CTTNBP2: variants seen among roughly 807,000 people sequenced by gnomAD.
The protein encoded by CTTNBP2 is cortactin-binding protein 2.
In CTTNBP2, 108 loss-of-function variants were observed where a neutral mutation model predicts 156.9. The observed-to-expected ratio is 0.69, with a 90% CI of 0.59 to 0.81. The LOEUF is 0.81. Among genes scored for constraint, CTTNBP2 ranks in the 30% least tolerant of loss-of-function variants. The pLI, the probability that CTTNBP2 is intolerant of heterozygous loss-of-function variation, is 0.00. For missense variants in CTTNBP2, 1,924 were observed against 2,035.4 expected (o/e 0.95, Z 1.05); for synonymous variants, 767 against 751.8 (o/e 1.02, Z -0.33).
At chr7:117,802,175 G>C (rs1293550642) in intron 3 of CTTNBP2, among the ~76,000 whole-genome samples, 3 of 149,824 alleles carry the variant, frequency 2.0e-5, no homozygotes, top group African/African-American at 7.3e-5. Flanking sequence ...TTTTGTTCTT[G>C]CGATAGTTTA....
At chr7:117,731,978 A>C (rs1584912941) in intron 16 of CTTNBP2, among the ~76,000 whole-genome samples, 1 of 152,236 alleles carries the variant, frequency 6.6e-6, no homozygotes, top group Non-Finnish European at 1.5e-5. Flanking sequence ...CTTACAGAAC[A>C]TAAGTGTTCA....
At position 117,791,947 on chromosome 7, in the gene CTTNBP2, G is replaced by A. The variant is rs763110159; in HGVS notation, c.1249C>T (p.Pro417Ser). ...PPTAQTPGIA[P>S]QNSQAPPMHS... is the part of the protein sequence containing the mutation. ...ATAGGTGGAGCTTGCGAGTTCTGAG[G>A]AGCTATGCCTGGTGTTTGAGCGGTG... is the stretch of plus-strand genomic sequence containing the variant. The change falls in exon 4 of 23, where the codon CCT becomes TCT. Residue 417 changes from proline (P) to serine (S), a missense_variant. Coordinates refer to ENST00000160373, the MANE Select transcript of CTTNBP2 (RefSeq NM_033427.3). 1 of 1,614,144 alleles carries A rather than the reference G, an allele frequency of 6.2e-7. No individual in the cohort carries two copies. The highest frequency in any genetic ancestry group is 8.5e-7 in the Non-Finnish European group (1 of 1,180,034).
At chr7:117,842,985 T>C (rs75307422) in intron 2 of CTTNBP2, among the ~76,000 whole-genome samples, 4,913 of 152,292 alleles carry the variant, frequency 0.032, 272 homozygotes, top group African/African-American at 0.11. Context: ...GTCAGCCCTC[T>C]GTATTCATGG....
intron 1 of CTTNBP2, among the ~76,000 whole-genome samples, chr7:117,863,724 A>C (rs1489274072): frequency 6.6e-6 from 1 of 152,248 alleles, no homozygotes; most frequent in Non-Finnish European, 1.5e-5. Context: ...ATATCAATGA[A>C]GTAAGTGCCA....
rs114057021 is a variant in CTTNBP2 at position 117,816,386 on chromosome 7, G to A, written c.190-5397C>T. 3.9e-3 allele frequency among the ~76,000 whole-genome samples: 601 copies of A among 152,216 alleles called. 1 individual carries two copies. Among genetic ancestry groups the A allele is most frequent in the African/African-American group, 0.013 (558 of 41,534 alleles). On this transcript the variant is annotated intron_variant, in intron 2 of 22. Transcript: ENST00000160373. The stretch of plus-strand genomic sequence containing the variant: ...GCACTCTGTACACCACACAGTTGTT[G>A]GAGTAGTCTTTCTAAAATGGAAGCC...
intron 3 of CTTNBP2, among the ~76,000 whole-genome samples, chr7:117,800,718 T>C (rs866097115): frequency 2.9e-4 from 44 of 152,212 alleles, no homozygotes; most frequent in Admixed American, 1.3e-3. Context: ...ACTCTATGGC[T>C]TGGAATTAGA....
At chr7:117,849,216 C>T (rs1027086284) in intron 2 of CTTNBP2, among the ~76,000 whole-genome samples, 3 of 152,184 alleles carry the variant, frequency 2.0e-5, no homozygotes, top group East Asian at 1.9e-4. Context: ...ACCGCAAACC[C>T]GATGTGATGT....
intron 14 of CTTNBP2, 79 bp from the exon 15 acceptor site, chr7:117,735,500 A>C: frequency 4.8e-6 from 6 of 1,255,404 alleles, no homozygotes; most frequent in Non-Finnish European, 6.8e-6. Context: ...AAAAGTCTGA[A>C]GTTATAAAGC....
chr7:117,815,507 G>C (rs1379484024), intron 2 of CTTNBP2, among the ~76,000 whole-genome samples: 1 of 152,058 alleles, frequency 6.6e-6, no homozygotes, highest in Non-Finnish European at 1.5e-5. Flanking sequence ...TTCCCAGATG[G>C]AGGAATAGAA....
chr7:117,852,342 A>G lies in CTTNBP2; in HGVS notation c.189+8867T>C, dbSNP rs138956655. On this transcript the variant is annotated intron_variant, in intron 2 of 22. Coordinates refer to ENST00000160373, the MANE Select transcript of CTTNBP2 (RefSeq NM_033427.3). ...AAATATGAAAAACTAAAAGATTTACAAATTTAAAAACAAAATGCAACTACA... is the reference window on the plus strand; with the variant it reads ...AAATATGAAAAACTAAAAGATTTACGAATTTAAAAACAAAATGCAACTACA... Among the ~76,000 whole-genome samples the G allele has an allele frequency of 7.9e-5, 12 of 152,240 alleles. 1 individual carries two copies. The East Asian group carries it at 2.3e-3, about 29-fold the overall frequency.
intron 19 of CTTNBP2, among the ~76,000 whole-genome samples, chr7:117,723,853 AGCAATTCTCAT>A (rs1794940069): frequency 6.6e-6 from 1 of 151,484 alleles, no homozygotes; most frequent in South Asian, 2.1e-4. Flanking sequence ...CGCAGGTTCA[AGCAATTCTCAT>A]GCCTCAGGCT....
chr7:117,766,934 G>T lies in CTTNBP2; in HGVS notation c.2896+125C>A, dbSNP rs570689552. ...TATCACACTTACAGTCAGTATTTTT[G>T]CCATAGCTAGGGCTCCAAAAAGGTT... On this transcript the variant is annotated intron_variant, in intron 9 of 22. Transcript: ENST00000160373. 5.9e-5 allele frequency: 38 copies of T among 648,072 alleles called. 1 individual carries two copies. The African/African-American group carries it at 6.4e-4, about 11-fold the overall frequency. The allele number at this position is 648,072 out of a possible 1,614,324, so 40.1% of individuals were successfully genotyped here.
At chr7:117,794,910 C>T (rs1178636961) in intron 3 of CTTNBP2, among the ~76,000 whole-genome samples, 4 of 93,324 alleles carry the variant, frequency 4.3e-5, no homozygotes, top group Non-Finnish European at 7.4e-5. Flanking sequence ...TTTTTTGAGA[C>T]GGAGTCTCGC....
chr7:117,775,003 TAC>T, intron 8 of CTTNBP2, among the ~76,000 whole-genome samples: 2 of 152,280 alleles, frequency 1.3e-5, no homozygotes, highest in East Asian at 3.9e-4. Flanking sequence ...AGGCAAATGA[TAC>T]AAATATATTT....
rs1390679455 is a variant in CTTNBP2 at position 117,791,948 on chromosome 7, A to C, written c.1248T>G (p.Ala416=). 6.2e-7 allele frequency: 1 copy of C among 1,613,922 alleles called. No individual in the cohort carries two copies. Among genetic ancestry groups the C allele is most frequent in the Non-Finnish European group, 8.5e-7 (1 of 1,180,012 alleles). The change falls in exon 4 of 23, where the codon GCT becomes GCG. Residue 416 remains alanine, a synonymous_variant. Transcript: ENST00000160373. ...APPTAQTPGI[A]PQNSQAPPMH... Reference sequence around the variant, plus strand: ...TAGGTGGAGCTTGCGAGTTCTGAGGAGCTATGCCTGGTGTTTGAGCGGTGG... The same window carrying C: ...TAGGTGGAGCTTGCGAGTTCTGAGGCGCTATGCCTGGTGTTTGAGCGGTGG...
intron 9 of CTTNBP2, among the ~76,000 whole-genome samples, chr7:117,763,746 T>G (rs1240931055): frequency 6.6e-6 from 1 of 151,740 alleles, no homozygotes; most frequent in Admixed American, 6.6e-5. Context: ...TTTATTTTTA[T>G]TTTTTGAAGA....
intron 12 of CTTNBP2, among the ~76,000 whole-genome samples, chr7:117,752,030 C>A (rs775506470): frequency 6.6e-6 from 1 of 152,186 alleles, no homozygotes; most frequent in African/African-American, 2.4e-5. Flanking sequence ...CCTCCCTTTC[C>A]TAAGAAAGAT....
At chr7:117,789,924 GC>G (rs1444484163) in intron 4 of CTTNBP2, among the ~76,000 whole-genome samples, 1 of 152,122 alleles carries the variant, frequency 6.6e-6, no homozygotes, top group Non-Finnish European at 1.5e-5. Flanking sequence ...TATGGATAAA[GC>G]CTCTCAAAGA....
intron 8 of CTTNBP2, among the ~76,000 whole-genome samples, chr7:117,768,581 A>AAAAAAAAAAAG (rs1554419704): frequency 4.6e-4 from 46 of 99,106 alleles, no homozygotes; most frequent in African/African-American, 1.1e-3. Flanking sequence ...AAAAAAAAAA[A>AAAAAAAAAAAG]AAAGAAAGAA....
Sources: allele counts gnomAD v4.1 joint callset (sites outside exome capture counted in the v4.1 genomes callset), GRCh38; gene constraint gnomAD v4.1.1; transcripts MANE v1.5; gene names NCBI Gene and HGNC (gene_info 2026-07-23, HGNC 2026-07-21).